The following MAP4K3 variants were observed in gnomAD, a reference collection of about 807,000 sequenced individuals.
The protein encoded by MAP4K3 is MAPK/ERK kinase kinase kinase 3.
Under a neutral mutation model 143.5 loss-of-function variants are expected in MAP4K3, and 94 were observed. The observed-to-expected ratio is 0.65, with a 90% CI of 0.55 to 0.78. The LOEUF is 0.78. MAP4K3 is among the 30% of genes least tolerant of loss of function. The probability of loss-of-function intolerance (pLI) is 0.00; values close to 1 mark genes in which losing one functional copy is unlikely to be tolerated. For missense variants in MAP4K3, 1,077 were observed against 1,068.1 expected (o/e 1.01, Z -0.12); for synonymous variants, 416 against 347.2 (o/e 1.20, Z -2.20).
intron 28 of MAP4K3, chr2:39,261,032 C>G (rs72923498): frequency 0.042 from 13,296 of 315,098 alleles, 1,728 homozygotes; most frequent in African/African-American, 0.27. Flanking sequence ...GTGTCCAACC[C>G]TCTCTTTTCA....
At chr2:39,299,591 G>A in intron 16 of MAP4K3, 152 bp downstream of exon 16, 1 of 422,010 alleles carries the variant, frequency 2.4e-6, no homozygotes, top group East Asian at 3.7e-5. Flanking sequence ...ACTAAATAAT[G>A]AGCAAGGAAG....
At chr2:39,314,409 T>C (rs1208919970) in intron 13 of MAP4K3, among the ~76,000 whole-genome samples, 1 of 152,248 alleles carries the variant, frequency 6.6e-6, no homozygotes, top group African/African-American at 2.4e-5. Context: ...TGAGAAATGC[T>C]CTCACATGCT....
chr2:39,270,416 G>C (rs1269522690), intron 26 of MAP4K3, among the ~76,000 whole-genome samples: 1 of 152,110 alleles, frequency 6.6e-6, no homozygotes, highest in African/African-American at 2.4e-5. Flanking sequence ...ATTTAACATA[G>C]GATATTTTAG....
Position 39,416,544 on chromosome 2 carries a change from T to G in MAP4K3, c.96+20348A>C, listed in dbSNP as rs75745042. On this transcript the variant is annotated intron_variant, in intron 1 of 33. Coordinates refer to ENST00000263881, the MANE Select transcript of MAP4K3 (RefSeq NM_003618.4). The stretch of plus-strand genomic sequence containing the variant: ...GCCATGTTTTATTCCAGAAGATTTT[T>G]AAAAGCATGAACTATTTTCCTCACA... 1.5e-3 allele frequency among the ~76,000 whole-genome samples: 226 copies of G among 152,350 alleles called. 6 individuals are homozygous for G. In the East Asian group the frequency reaches 0.027, roughly 18 times the overall value.
rs1170862848 is a variant in MAP4K3, at chr2:39,416,000, TATATAAAA to T, written c.96+20884_96+20891del. On this transcript the variant is annotated intron_variant, in intron 1 of 33. Transcript: ENST00000263881. ...AAAAAAATATATATATATATATATA[TATATAAAA>T]ATAACATTTGGAAGAATAAATTCCC... Among the ~76,000 whole-genome samples the T allele has an allele frequency of 1.2e-3, 110 of 92,512 alleles. 7 individuals are homozygous for T. The highest frequency in any genetic ancestry group is 4.8e-3 in the African/African-American group (107 of 22,452). The allele number at this position is 92,512 out of a possible 152,430, so 60.7% of individuals were successfully genotyped here.
At chr2:39,426,278 G>C (rs1327140082) in intron 1 of MAP4K3, among the ~76,000 whole-genome samples, 2 of 152,090 alleles carry the variant, frequency 1.3e-5, no homozygotes, top group Non-Finnish European at 2.9e-5. Context: ...AAAAGACAAA[G>C]GCTGAAAAAC....
intron 1 of MAP4K3, among the ~76,000 whole-genome samples, chr2:39,391,530 C>G (rs528011407): frequency 6.6e-6 from 1 of 152,088 alleles, no homozygotes; most frequent in Non-Finnish European, 1.5e-5. Context: ...ACTAAGGACC[C>G]CTAAAAGCTC....
chr2:39,401,808 A>C (rs1249974224), intron 1 of MAP4K3, among the ~76,000 whole-genome samples: 1 of 152,130 alleles, frequency 6.6e-6, no homozygotes, highest in African/African-American at 2.4e-5. Flanking sequence ...TCTCAGAAAA[A>C]ACAAATAAAT....
intron 28 of MAP4K3, among the ~76,000 whole-genome samples, chr2:39,261,838 T>C (rs1370443477): frequency 6.6e-6 from 1 of 152,104 alleles, no homozygotes; most frequent in Non-Finnish European, 1.5e-5. Context: ...TTAAATACTG[T>C]TGAAAAATTA....
intron 21 of MAP4K3, among the ~76,000 whole-genome samples, chr2:39,286,166 C>T (rs2148472002): frequency 6.6e-6 from 1 of 152,368 alleles, no homozygotes; most frequent in African/African-American, 2.4e-5. Flanking sequence ...GGGGATGAAA[C>T]TGTTCCACCT....
chr2:39,301,698 A>G (rs1682515779), intron 15 of MAP4K3, among the ~76,000 whole-genome samples: 1 of 152,004 alleles, frequency 6.6e-6, no homozygotes, highest in African/African-American at 2.4e-5. Flanking sequence ...AAAATAAAGG[A>G]TATAGGCCGG....
At chr2:39,294,038 T>C (rs545813963) in intron 16 of MAP4K3, 16 of 152,286 alleles carry the variant, frequency 1.1e-4, no homozygotes, top group African/African-American at 3.6e-4. Context: ...GCAGCATACC[T>C]CCTAAATTAC....
intron 24 of MAP4K3, 113 bp from the exon 25 acceptor site, chr2:39,272,655 A>T: frequency 1.4e-6 from 1 of 739,122 alleles, no homozygotes; most frequent in Non-Finnish European, 2.3e-6. Context: ...TTAAAAGTAA[A>T]TTATTTTTAA....
intron 2 of MAP4K3, among the ~76,000 whole-genome samples, chr2:39,376,047 T>C (rs1666209094): frequency 6.6e-6 from 1 of 151,792 alleles, no homozygotes; most frequent in Non-Finnish European, 1.5e-5. Flanking sequence ...TGCATGACAA[T>C]CATTGTGTCG....
At chr2:39,374,673 C>A (rs1666171780) in intron 2 of MAP4K3, among the ~76,000 whole-genome samples, 2 of 151,730 alleles carry the variant, frequency 1.3e-5, no homozygotes, top group African/African-American at 4.8e-5. Context: ...CAGAGCAAGA[C>A]TCCATCACAA....
intron 8 of MAP4K3, among the ~76,000 whole-genome samples, chr2:39,328,899 A>G (rs748617908): frequency 9.9e-5 from 15 of 152,208 alleles, no homozygotes; most frequent in Non-Finnish European, 1.8e-4. Flanking sequence ...TTTAAGGTAC[A>G]TATGTGTTTA....
chr2:39,341,114 A>G (rs891108316), intron 4 of MAP4K3, among the ~76,000 whole-genome samples: 1 of 152,214 alleles, frequency 6.6e-6, no homozygotes, highest in African/African-American at 2.4e-5. Context: ...ACCCATTCTT[A>G]GGCACCAGAA....
intron 23 of MAP4K3, among the ~76,000 whole-genome samples, chr2:39,278,839 C>T (rs762670003): frequency 1.3e-4 from 20 of 151,984 alleles, no homozygotes; most frequent in African/African-American, 1.2e-4. Context: ...AATATAAAAT[C>T]GAGAGTGGCT....
At chr2:39,317,914 G>T (rs911119570) in intron 12 of MAP4K3, among the ~76,000 whole-genome samples, 1 of 152,050 alleles carries the variant, frequency 6.6e-6, no homozygotes, top group African/African-American at 2.4e-5. Flanking sequence ...ATACCCAAAG[G>T]AATATAAGTT....
Sources: gnomAD v4.1 joint callset for allele counts (sites outside exome capture counted in the v4.1 genomes callset) on GRCh38, gnomAD v4.1.1 for gene constraint, MANE v1.5 for transcripts, NCBI Gene and HGNC (gene_info 2026-07-23, HGNC 2026-07-21) for gene names.